Variants in OLA1 observed in about 807,000 individuals in gnomAD.
The protein encoded by OLA1 is Obg like ATPase 1.
OLA1 carries 14 observed loss-of-function variants against 48.4 expected under a neutral mutation model. The ratio of observed to expected loss-of-function variants is 0.29; its 90% CI spans 0.19 to 0.45. The LOEUF is 0.45. OLA1 is among the 20% of genes least tolerant of loss of function. OLA1 has a pLI of 1.00. For synonymous variants in OLA1, 127 were observed against 150.4 expected, an observed-to-expected ratio of 0.84 and a Z score of 1.14; for missense variants, 325 against 467.1, an observed-to-expected ratio of 0.70 and a Z score of 2.80.
chr2:174,119,078 G>C (rs1208139853), intron 7 of OLA1, among the ~76,000 whole-genome samples: 1 of 150,360 alleles, frequency 6.7e-6, no homozygotes, highest in Non-Finnish European at 1.5e-5. Context: ...AAATGCAAAA[G>C]TACATTTGAC....
chr2:174,129,257 T>G (rs1024885819), intron 5 of OLA1, among the ~76,000 whole-genome samples: 3 of 151,882 alleles, frequency 2.0e-5, no homozygotes, highest in African/African-American at 7.3e-5. Context: ...AGGAGATCGA[T>G]ACCATCCTGG....
At chr2:174,098,222 A>G (rs1470230205) in intron 7 of OLA1, among the ~76,000 whole-genome samples, 1 of 152,226 alleles carries the variant, frequency 6.6e-6, no homozygotes, top group Non-Finnish European at 1.5e-5. Flanking sequence ...ATATTTTGGG[A>G]AAAACATTTA....
chr2:174,169,814 T>C (rs1337467776), intron 4 of OLA1, among the ~76,000 whole-genome samples: 2 of 152,176 alleles, frequency 1.3e-5, no homozygotes, highest in Non-Finnish European at 2.9e-5. Context: ...TACAAATATA[T>C]GTTTAAACAA....
chr2:174,156,804 C>T lies in OLA1; in HGVS notation c.374-14804G>A, dbSNP rs1364818275. On this transcript the variant is annotated intron_variant, in intron 4 of 10. Transcript: ENST00000284719. ...TTCACCATGTTAGCCAGGCTGGTGTCGAACTCCTAATGTCAGATGATCCAC... is the reference window on the plus strand; with the variant it reads ...TTCACCATGTTAGCCAGGCTGGTGTTGAACTCCTAATGTCAGATGATCCAC... 2.6e-5 allele frequency among the ~76,000 whole-genome samples: 4 copies of T among 151,726 alleles called. No individual in the cohort carries two copies. In the East Asian group the frequency reaches 7.7e-4, roughly 29 times the overall value.
intron 4 of OLA1, among the ~76,000 whole-genome samples, chr2:174,214,917 G>T (rs1256385556): frequency 6.6e-6 from 1 of 152,028 alleles, no homozygotes; most frequent in Non-Finnish European, 1.5e-5. Context: ...AGGCATGGTG[G>T]CAGGTGACTG....
At chr2:174,103,605 A>C (rs2105354196) in intron 7 of OLA1, among the ~76,000 whole-genome samples, 1 of 152,320 alleles carries the variant, frequency 6.6e-6, no homozygotes, top group Non-Finnish European at 1.5e-5. Flanking sequence ...ATTAATGAAG[A>C]CTAAAAGTCA....
chr2:174,218,571 A>G (rs1386146454), intron 4 of OLA1, among the ~76,000 whole-genome samples: 1 of 152,226 alleles, frequency 6.6e-6, no homozygotes, highest in South Asian at 2.1e-4. Flanking sequence ...ATATACTTTA[A>G]AAAACTACAG....
rs369800917 is a variant in OLA1 at position 174,075,495 on chromosome 2, A to C, written c.1122T>G (p.Asn374Lys). The C allele has an allele frequency of 6.2e-7, 1 of 1,610,832 alleles. No individual in the cohort carries two copies. Among genetic ancestry groups the C allele is most frequent in the Non-Finnish European group, 8.5e-7 (1 of 1,177,470 alleles). ...AAGKYRQQGR[N>K]YIVEDGDIIF... ...TAATATCTCCATCTTCAACAATATA[A>C]TTTCTGCCTTGTTGTCTGTACTTTC... The change falls in exon 11 of 11, where the codon AAT becomes AAG. Residue 374 changes from asparagine to lysine, a missense_variant. Transcript: ENST00000284719.
intron 10 of OLA1, among the ~76,000 whole-genome samples, chr2:174,077,264 A>G (rs1684762722): frequency 6.6e-6 from 1 of 152,186 alleles, no homozygotes; most frequent in South Asian, 2.1e-4. Flanking sequence ...GCTATTCAGT[A>G]TATAGTTCAC....
intron 4 of OLA1, among the ~76,000 whole-genome samples, chr2:174,221,027 A>AT (rs1415857245): frequency 1.3e-5 from 2 of 152,144 alleles, no homozygotes; most frequent in African/African-American, 4.8e-5. Context: ...AAATCTAAGG[A>AT]TTTTTTTAAA....
At chr2:174,175,219 A>G (rs918730293) in intron 4 of OLA1, among the ~76,000 whole-genome samples, 1 of 151,926 alleles carries the variant, frequency 6.6e-6, no homozygotes, top group East Asian at 1.9e-4. Context: ...CCGGACACAA[A>G]AAACACAAAT....
At chr2:174,101,602 A>G (rs554440131) in intron 7 of OLA1, among the ~76,000 whole-genome samples, 1 of 152,300 alleles carries the variant, frequency 6.6e-6, no homozygotes, top group African/African-American at 2.4e-5. Context: ...ATATTCTTCT[A>G]TGTTTCAGTG....
At chr2:174,163,713 T>A (rs1402724928) in intron 4 of OLA1, among the ~76,000 whole-genome samples, 17 of 4,712 alleles carry the variant, frequency 3.6e-3, no homozygotes, top group African/African-American at 0.017. Flanking sequence ...AATAAATAAA[T>A]ATATATATAT....
At chr2:174,209,245 A>G (rs973607242) in intron 4 of OLA1, among the ~76,000 whole-genome samples, 2 of 152,206 alleles carry the variant, frequency 1.3e-5, no homozygotes, top group Admixed American at 6.6e-5. Context: ...CAGCATAAAA[A>G]TCATCAATAC....
intron 4 of OLA1, among the ~76,000 whole-genome samples, chr2:174,150,053 T>C (rs1174633811): frequency 6.6e-6 from 1 of 152,194 alleles, no homozygotes; most frequent in African/African-American, 2.4e-5. Flanking sequence ...CCATCTGTCA[T>C]AGAAAACCTG....
chr2:174,152,200 A>T (rs1261987658), intron 4 of OLA1, among the ~76,000 whole-genome samples: 1 of 152,170 alleles, frequency 6.6e-6, no homozygotes, highest in Non-Finnish European at 1.5e-5. Flanking sequence ...TAAGGTCAGG[A>T]GTTCGAGACC....
At chr2:174,163,766 ATATATATATAAAT>A (rs1687087405) in intron 4 of OLA1, among the ~76,000 whole-genome samples, 1 of 28,232 alleles carries the variant, frequency 3.5e-5, no homozygotes, top group Non-Finnish European at 6.5e-5. Flanking sequence ...ATATATATAT[ATATATATATAAAT>A]AAATGTTTGG....
At chr2:174,137,364 C>T (rs1346607973) in intron 5 of OLA1, among the ~76,000 whole-genome samples, 1 of 121,788 alleles carries the variant, frequency 8.2e-6, no homozygotes, top group Non-Finnish European at 1.7e-5. Context: ...TTATATAGCA[C>T]AGGCAGAATA....
chr2:174,105,342 C>T (rs1406503520), intron 7 of OLA1, among the ~76,000 whole-genome samples: 2 of 151,924 alleles, frequency 1.3e-5, no homozygotes, highest in Non-Finnish European at 2.9e-5. Context: ...TGCACATCAT[C>T]CTCTGGTTTC....
Sources: allele counts gnomAD v4.1 joint callset (sites outside exome capture counted in the v4.1 genomes callset), GRCh38; gene constraint gnomAD v4.1.1; transcripts MANE v1.5; gene names NCBI Gene and HGNC (gene_info 2026-07-23, HGNC 2026-07-21).